The following AARSD1 variants were observed in gnomAD, a reference collection of about 807,000 sequenced individuals.
The protein encoded by AARSD1 is alanyl-tRNA synthetase domain containing 1.
Under a neutral mutation model 48.7 loss-of-function variants are expected in AARSD1, and 44 were observed. The ratio of observed to expected loss-of-function variants is 0.90; its 90% CI spans 0.71 to 1.16. The LOEUF is 1.16. Ranked by LOEUF, AARSD1 falls within the 50% of genes most tolerant of loss-of-function variation. The pLI is 0.00. For missense variants in AARSD1, 511 were observed against 523.1 expected, an observed-to-expected ratio of 0.98 and a Z score of 0.23; for synonymous variants, 189 against 194.9, an observed-to-expected ratio of 0.97 and a Z score of 0.25.
At chr17:42,962,815 G>C (rs1350295448) in intron 2 of AARSD1, among the ~76,000 whole-genome samples, 3 of 152,320 alleles carry the variant, frequency 2.0e-5, no homozygotes, top group East Asian at 3.9e-4. Context: ...AGGACTGTTT[G>C]AGGCCAGGAG....
intron 4 of AARSD1, among the ~76,000 whole-genome samples, chr17:42,956,874 A>G (rs1220167768): frequency 6.8e-6 from 1 of 147,176 alleles, no homozygotes; most frequent in Non-Finnish European, 1.5e-5. Flanking sequence ...TCACCGTGTT[A>G]GCCAGGATGG....
rs534292542 is a variant in AARSD1 at position 42,964,355 on chromosome 17, C to A, written c.39+47G>T. The A allele has an allele frequency of 3.8e-6, 6 of 1,570,552 alleles. No homozygotes were observed. The African/African-American group carries it at 8.1e-5, about 21-fold the overall frequency. ...ACACGTGGCGCCCTCTTCCCCAAAC[C>A]GCCTTGCCGGCCCGGCAGTCTCAAG... On this transcript the variant is annotated intron_variant, in intron 1 of 11. Coordinates refer to ENST00000427569, the MANE Select transcript of AARSD1 (RefSeq NM_001261434.2).
Position 42,955,901 on chromosome 17 carries a change from C to T in AARSD1, c.735G>A (p.Arg245=), listed in dbSNP as rs2049543246. 1.2e-6 allele frequency: 2 copies of T among 1,613,996 alleles called. No individual in the cohort carries two copies. The highest frequency in any genetic ancestry group is 1.3e-5 in the African/African-American group (1 of 74,880). ...RTNLIFLSGN[R]VLKWMERSHG... ...GACTTCTCTCCATCCACTTCAGCAC[C>T]CGGTTCCCAGACAGAAATATCAGGT... Residue 245 remains arginine, a synonymous_variant, in exon 7 of 12, where the codon CGG becomes CGA. Coordinates refer to ENST00000427569, the MANE Select transcript of AARSD1 (RefSeq NM_001261434.2).
chr17:42,956,801 G>A (rs2049561168), intron 4 of AARSD1, among the ~76,000 whole-genome samples: 1 of 146,670 alleles, frequency 6.8e-6, no homozygotes, highest in Non-Finnish European at 1.5e-5. Context: ...CCGAGTAGCT[G>A]GGACTACAGG....
At chr17:42,956,729 G>A (rs1183449417) in intron 4 of AARSD1, among the ~76,000 whole-genome samples, 169 bp from the exon 5 acceptor site, 8 of 117,200 alleles carry the variant, frequency 6.8e-5, no homozygotes, top group Admixed American at 2.4e-4. Flanking sequence ...GTGCAGTGGC[G>A]CGATCTCGGC....
intron 11 of AARSD1, 115 bp from the exon 12 acceptor site, chr17:42,950,843 T>A: frequency 7.0e-7 from 1 of 1,437,524 alleles, no homozygotes. Context: ...AGTAGATGAC[T>A]TCTAGGAATC....
chr17:42,954,432 C>T (rs2049519658), intron 9 of AARSD1, among the ~76,000 whole-genome samples: 1 of 147,722 alleles, frequency 6.8e-6, no homozygotes, highest in Admixed American at 6.8e-5. Flanking sequence ...TAACATATTT[C>T]TTTTTTTTTT....
At chr17:42,954,506 C>T (rs1415436974) in intron 9 of AARSD1, among the ~76,000 whole-genome samples, 1 of 151,928 alleles carries the variant, frequency 6.6e-6, no homozygotes, top group Non-Finnish European at 1.5e-5. Context: ...GTGATCTCCA[C>T]TCACCACAAC....
intron 10 of AARSD1, among the ~76,000 whole-genome samples, chr17:42,952,675 A>C (rs561941399): frequency 1.4e-4 from 22 of 152,178 alleles, no homozygotes; most frequent in South Asian, 1.0e-3. Flanking sequence ...GTCTCTGAAA[A>C]AAACAAACAA....
At chr17:42,959,529 A>G (rs1037902622) in intron 3 of AARSD1, among the ~76,000 whole-genome samples, 1 of 149,908 alleles carries the variant, frequency 6.7e-6, no homozygotes. Context: ...CGAGCAGCCT[A>G]CATTTATTTT....
intron 7 of AARSD1, 48 bp downstream of exon 7, chr17:42,955,794 G>T (rs149232735): frequency 3.7e-6 from 6 of 1,611,004 alleles, no homozygotes; most frequent in Non-Finnish European, 5.1e-6. Flanking sequence ...AGATTATGTC[G>T]AAAATCTCAG....
chr17:42,958,865 G>A (rs2049593595), intron 3 of AARSD1, among the ~76,000 whole-genome samples: 2 of 150,808 alleles, frequency 1.3e-5, no homozygotes, highest in Admixed American at 1.3e-4. Flanking sequence ...ACCACGCTCA[G>A]TCTGTTTTTA....
rs1161321160 is a variant in AARSD1, at chr17:42,964,225, C to T, written c.52G>A (p.Val18Met). ...AGCTCCGCGGGACAGCAGGAGACCA[C>T]GGTGGTGGTGAACTGAACAGAGAGG... ...DSYAREFTTT[V>M]VSCCPAELQT... Residue 18 changes from valine (V) to methionine (M), a missense_variant, in exon 2 of 12, where the codon GTG becomes ATG. By Grantham distance (21) the Val-to-Met change is conservative. Coordinates refer to ENST00000427569, the MANE Select transcript of AARSD1 (RefSeq NM_001261434.2). 1.2e-6 allele frequency: 2 copies of T among 1,613,944 alleles called. No homozygotes were observed. The highest frequency in any genetic ancestry group is 2.7e-5 in the African/African-American group (2 of 74,986).
rs59362389 is a variant in AARSD1 at position 42,955,987 on chromosome 17, G to C, written c.664-15C>G. On this transcript the variant is annotated splice_polypyrimidine_tract_variant and intron_variant, in intron 6 of 11. Transcript: ENST00000427569. ...ATCTTAATGACCTACATGAGGCAAGGGGGTAACACACACACACACGTGTGC... is the reference window on the plus strand; with the variant it reads ...ATCTTAATGACCTACATGAGGCAAGCGGGTAACACACACACACACGTGTGC... The C allele has an allele frequency of 1.2e-6, 2 of 1,613,772 alleles. No homozygotes were observed. The highest frequency in any genetic ancestry group is 2.2e-5 in the South Asian group (2 of 91,078).
Position 42,956,321 on chromosome 17 carries a change from C to G in AARSD1, c.547-1G>C, listed in dbSNP as rs774488952. ...CATCAGGCAAACCCCGGCCACTCAC[C>G]TGGACTCAAGGAGAGGGGAGGGACT... On this transcript the variant is annotated splice_acceptor_variant, in intron 5 of 11. Coordinates refer to ENST00000427569, the MANE Select transcript of AARSD1 (RefSeq NM_001261434.2). LOFTEE classifies it high-confidence loss of function. 3 of 1,614,160 alleles carry G rather than the reference C, an allele frequency of 1.9e-6. No individual in the cohort carries two copies. The highest frequency in any genetic ancestry group is 2.5e-6 in the Non-Finnish European group (3 of 1,180,030).
chr17:42,953,365 C>T (rs772708589), intron 10 of AARSD1, among the ~76,000 whole-genome samples: 1 of 152,168 alleles, frequency 6.6e-6, no homozygotes, highest in Non-Finnish European at 1.5e-5. Flanking sequence ...CCACCTTGGC[C>T]TCCCAAAGTG....
rs1176169221 is a variant in AARSD1, at chr17:42,964,390, G to T, written c.39+12C>A. On this transcript the variant is annotated intron_variant, in intron 1 of 11. Transcript: ENST00000427569. ...GCCCGGCAGTCTCAAGTGCCTCGCC[G>T]TGACGCCGTACCTCTCGGGCATAAC... 6.4e-7 allele frequency: 1 copy of T among 1,553,448 alleles called. No homozygotes were observed. Among genetic ancestry groups the T allele is most frequent in the African/African-American group, 1.4e-5 (1 of 73,336 alleles).
intron 2 of AARSD1, among the ~76,000 whole-genome samples, chr17:42,961,827 G>A (rs1336576036): frequency 6.6e-6 from 1 of 152,040 alleles, no homozygotes. Flanking sequence ...GATCAGACTG[G>A]ACAACACAGT....
Position 42,961,232 on chromosome 17 carries a change from TA to T in AARSD1, c.290del (p.Val97GlufsTer29). On this transcript the variant is annotated frameshift_variant, in exon 3 of 12. Coordinates refer to ENST00000427569, the MANE Select transcript of AARSD1 (RefSeq NM_001261434.2). LOFTEE classifies it high-confidence loss of function. ...LDPGSQVLVR[V>X]DWERRFDHMQ... Reference sequence around the variant, plus strand: ...TGTGGTCAAACCTCCGCTCCCAATCTACCCGGACCAGAACCTGGCTTCCTGG... The same window carrying T: ...TGTGGTCAAACCTCCGCTCCCAATCTCCCGGACCAGAACCTGGCTTCCTGG... 8 of 1,613,844 alleles carry T rather than the reference TA, an allele frequency of 5.0e-6. No individual in the cohort carries two copies. Among genetic ancestry groups the T allele is most frequent in the Non-Finnish European group, 6.8e-6 (8 of 1,179,880 alleles).
Sources: allele counts gnomAD v4.1 joint callset (sites outside exome capture counted in the v4.1 genomes callset), GRCh38; gene constraint gnomAD v4.1.1; transcripts MANE v1.5; gene names NCBI Gene and HGNC (gene_info 2026-07-23, HGNC 2026-07-21).